The following ZNF84 variants were observed in gnomAD, a reference collection of about 807,000 sequenced individuals.
ZNF84 encodes the protein zinc finger protein HPF2.
A neutral mutation model predicts 14.8 loss-of-function variants in ZNF84; 12 were observed. That is an observed-to-expected ratio of 0.81 (90% CI 0.52 to 1.31). The LOEUF (loss-of-function observed/expected upper bound fraction) is 1.31, where lower values mean the gene tolerates loss of function less well. Ranked by LOEUF, ZNF84 falls within the 50% of genes most tolerant of loss-of-function variation. ZNF84 has a pLI of 0.00. For synonymous variants in ZNF84, 347 were observed against 291.1 expected, an observed-to-expected ratio of 1.19 and a Z score of -1.96; for missense variants, 859 against 878.6, an observed-to-expected ratio of 0.98 and a Z score of 0.28.
chr12:133,039,989 G>T (rs1221757461), intron 1 of ZNF84, among the ~76,000 whole-genome samples: 2 of 151,846 alleles, frequency 1.3e-5, no homozygotes, highest in African/African-American at 4.8e-5. Context: ...GCTTACAGGT[G>T]CATGCCACCA....
chr12:133,048,681 C>G (rs1954024962), intron 3 of ZNF84, 72 bp from the exon 4 acceptor site: 1 of 1,163,088 alleles, frequency 8.6e-7, no homozygotes, highest in African/African-American at 1.5e-5. Context: ...TGATGTGAAA[C>G]CTTGCTCAAC....
At chr12:133,048,575 G>A in intron 3 of ZNF84, 178 bp from the exon 4 acceptor site, 1 of 474,366 alleles carries the variant, frequency 2.1e-6, no homozygotes, top group Non-Finnish European at 3.9e-6. Context: ...GTGTTCAGTG[G>A]CTTTGTACTA....
intron 2 of ZNF84, among the ~76,000 whole-genome samples, chr12:133,042,286 A>C (rs61953725): frequency 0.19 from 28,643 of 152,224 alleles, 3,453 homozygotes; most frequent in Non-Finnish European, 0.27. Context: ...AGTTCTCAAC[A>C]TAACGAAAAA....
chr12:133,047,959 C>A lies in ZNF84; in HGVS notation c.20C>A (p.Ser7Ter). The A allele has an allele frequency of 1.9e-6, 3 of 1,613,802 alleles. No homozygotes were observed. The South Asian group carries it at 3.3e-5, about 18-fold the overall frequency. Residue 7 changes from serine (S) to a stop codon, truncating the protein, a stop_gained, in exon 3 of 5, where the codon TCA (serine) becomes TAA (stop). Transcript: ENST00000539354. LOFTEE classifies it high-confidence loss of function. Reference protein sequence around the residue: MTMLQESFSFDDLSVDF... With the variant: MTMLQE ...ACCAGGATTGTGCTCTTACAGGAGT[C>A]ATTCTCATTTGACGATTTATCTGTG...
intron 2 of ZNF84, 52 bp from the exon 3 acceptor site, chr12:133,047,903 C>G: frequency 6.3e-7 from 1 of 1,581,952 alleles, no homozygotes; most frequent in Non-Finnish European, 8.6e-7. Flanking sequence ...ATTTTTTTCT[C>G]ACATCATACG....
At chr12:133,055,382 C>G (rs2137408153) in intron 4 of ZNF84, among the ~76,000 whole-genome samples, 1 of 152,134 alleles carries the variant, frequency 6.6e-6, no homozygotes, top group East Asian at 1.9e-4. Flanking sequence ...TTATAAACTG[C>G]TTAAGTTGTA....
In ZNF84 at chr12:133,057,667, C is replaced by G; in HGVS notation, c.952C>G (p.Pro318Ala). The part of the protein sequence containing the change: ...SHWRTHTGEK[P>A]YGCNECGRAF... The stretch of plus-strand genomic sequence containing the variant: ...TTGGAGAACACACACAGGAGAGAAA[C>G]CCTATGGATGCAATGAATGTGGGAG... Residue 318 changes from proline (P) to alanine (A), a missense_variant, in exon 5 of 5, where the codon CCC (proline) becomes GCC (alanine). Physicochemically the swap from Pro to Ala is conservative, Grantham distance 27. Coordinates refer to ENST00000539354, the MANE Select transcript of ZNF84 (RefSeq NM_001289971.2). 1 of 1,613,918 alleles carries G rather than the reference C, an allele frequency of 6.2e-7. No individual in the cohort carries two copies. Among genetic ancestry groups the G allele is most frequent in the Non-Finnish European group, 8.5e-7 (1 of 1,180,000 alleles).
chr12:133,056,921 C>A, intron 4 of ZNF84, 33 bp from the exon 5 acceptor site: 3 of 1,522,458 alleles, frequency 2.0e-6, no homozygotes, highest in Non-Finnish European at 2.6e-6. Context: ...TTAGAAAGCA[C>A]AACCAAACAG....
At chr12:133,039,021 A>G (rs1953839118) in intron 1 of ZNF84, 1 of 152,234 alleles carries the variant, frequency 6.6e-6, no homozygotes, top group African/African-American at 2.4e-5. Flanking sequence ...TGGTGAGATC[A>G]TAGATAATAG....
rs1954171906 is a variant in ZNF84 at position 133,057,047 on chromosome 12, G to GA, written c.338dup (p.Asn113LysfsTer17). ...AGAGGTCATGAATGTGATGCATTTGGAAAAAATTTCAATCTGAACATGAAC... is the reference window on the plus strand; with the variant it reads ...AGAGGTCATGAATGTGATGCATTTGGAAAAAAATTTCAATCTGAACATGAAC... On this transcript the variant is annotated frameshift_variant, in exon 5 of 5. Transcript: ENST00000539354. LOFTEE classifies it low-confidence loss of function (END_TRUNC). The GA allele has an allele frequency of 6.2e-7, 1 of 1,613,004 alleles. No individual in the cohort carries two copies. Among genetic ancestry groups the GA allele is most frequent in the South Asian group, 1.1e-5 (1 of 90,606 alleles).
intron 2 of ZNF84, among the ~76,000 whole-genome samples, chr12:133,046,420 C>T (rs1459646635): frequency 7.7e-6 from 1 of 129,406 alleles, no homozygotes; most frequent in African/African-American, 3.0e-5. Flanking sequence ...GTCTTTGCAT[C>T]CTCTTTTTTT....
chr12:133,048,777 T>G lies in ZNF84; in HGVS notation c.167T>G (p.Val56Gly). 1 of 1,613,848 alleles carries G rather than the reference T, an allele frequency of 6.2e-7. No individual in the cohort carries two copies. The highest frequency in any genetic ancestry group is 8.5e-7 in the Non-Finnish European group (1 of 1,179,848). Residue 56 changes from valine (V) to glycine (G), a missense_variant, in exon 4 of 5, where the codon GTC (valine) becomes GGC (glycine). Transcript: ENST00000539354. Reference sequence around the variant, plus strand: ...GGGTATGAAGTTATGAAACCAGATGTCATCTTCAAATTGGAGCAAGGAGAA... The same window carrying G: ...GGGTATGAAGTTATGAAACCAGATGGCATCTTCAAATTGGAGCAAGGAGAA... ...SLGYEVMKPD[V>G]IFKLEQGEEP...
rs1954170854 is a variant in ZNF84, at chr12:133,057,003, C to G, written c.288C>G (p.Asp96Glu). ...TGATGTGGCACCAGGATAACCAAGA[C>G]AAGCTTAAAATTATAAAAAGAGGTC... ...GNMMWHQDNQ[D>E]KLKIIKRGHE... The change falls in exon 5 of 5, where the codon GAC becomes GAG. Residue 96 changes from aspartate to glutamate, a missense_variant. By Grantham distance (45) the Asp-to-Glu change is conservative (BLOSUM62 2). Transcript: ENST00000539354. 2 of 1,603,066 alleles carry G rather than the reference C, an allele frequency of 1.2e-6. No individual in the cohort carries two copies. The highest frequency in any genetic ancestry group is 1.3e-5 in the African/African-American group (1 of 74,226).
chr12:133,049,034 A>G (rs1252830988), intron 4 of ZNF84, among the ~76,000 whole-genome samples, 186 bp downstream of exon 4: 3 of 152,168 alleles, frequency 2.0e-5, no homozygotes, highest in African/African-American at 7.2e-5. Context: ...ATGTGCTTTA[A>G]GGATCTCTTT....
At chr12:133,040,101 C>G (rs1426259425) in intron 1 of ZNF84, among the ~76,000 whole-genome samples, 1 of 152,050 alleles carries the variant, frequency 6.6e-6, no homozygotes, top group East Asian at 1.9e-4. Flanking sequence ...CTTGGCCTCC[C>G]AAAGTGCTGG....
Position 133,060,701 on chromosome 12 carries a change from T to A in ZNF84, c.*1769T>A, listed in dbSNP as rs1490985981. 3 of 152,238 alleles carry A rather than the reference T, an allele frequency of 2.0e-5. No homozygotes were observed. The highest frequency in any genetic ancestry group is 4.4e-5 in the Non-Finnish European group (3 of 68,036). 9.4% of individuals were successfully genotyped at this position (152,238 alleles called of 1,614,324 possible). A position where few individuals can be genotyped will look rare whatever the true frequency, so the allele number is the denominator to read the frequency against. ...TGTATAAGGAAACAAGATTTCCATT[T>A]TATCATTTGAAATGTATTTGACTTT... On this transcript the variant is annotated 3_prime_UTR_variant, in exon 5 of 5. Coordinates refer to ENST00000539354, the MANE Select transcript of ZNF84 (RefSeq NM_001289971.2).
rs1954225462 is a variant in ZNF84, at chr12:133,059,728, T to C, written c.*796T>C. 6.6e-6 allele frequency: 1 copy of C among 152,236 alleles called. No homozygotes were observed. The highest frequency in any genetic ancestry group is 2.4e-5 in the African/African-American group (1 of 41,466). 9.4% of individuals were successfully genotyped at this position (152,236 alleles called of 1,614,324 possible). On this transcript the variant is annotated 3_prime_UTR_variant, in exon 5 of 5. Transcript: ENST00000539354. ...TATGCCTTTTAGTGCCTCTGATGTC[T>C]GTGAAGACAACACTACACACCACTG... is the stretch of plus-strand genomic sequence containing the variant.
chr12:133,050,066 A>G (rs1279426188), intron 4 of ZNF84, among the ~76,000 whole-genome samples: 1 of 152,176 alleles, frequency 6.6e-6, no homozygotes, highest in Admixed American at 6.5e-5. Flanking sequence ...GTTTCCCTCA[A>G]AAGCAGACCC....
chr12:133,053,432 C>G (rs1954103701), intron 4 of ZNF84, among the ~76,000 whole-genome samples: 1 of 152,170 alleles, frequency 6.6e-6, no homozygotes, highest in Non-Finnish European at 1.5e-5. Flanking sequence ...ATAGACATCT[C>G]AAAATTAATA....
Sources: gnomAD v4.1 joint callset for allele counts (sites outside exome capture counted in the v4.1 genomes callset) on GRCh38, gnomAD v4.1.1 for gene constraint, MANE v1.5 for transcripts, NCBI Gene and HGNC (gene_info 2026-07-23, HGNC 2026-07-21) for gene names.